TNKS: variants seen among roughly 807,000 people sequenced by gnomAD.
TNKS encodes the protein poly [ADP-ribose] polymerase tankyrase-1.
In TNKS, 72 loss-of-function variants were observed where a neutral mutation model predicts 135.8. The ratio of observed to expected loss-of-function variants is 0.53; its 90% confidence interval spans 0.44 to 0.64. The LOEUF (loss-of-function observed/expected upper bound fraction) is 0.64. Ranked by LOEUF, TNKS falls within the 30% of genes least tolerant of loss-of-function variation. The pLI, the probability that TNKS is intolerant of heterozygous loss-of-function variation, is 0.00. For missense variants in TNKS, 1,769 were observed against 1,674.0 expected (o/e 1.06, Z -0.99); for synonymous variants, 849 against 649.3 (o/e 1.31, Z -4.68).
chr8:9,745,443 C>T (rs1193401161), intron 17 of TNKS, among the ~76,000 whole-genome samples: 1 of 152,040 alleles, frequency 6.6e-6, no homozygotes, highest in African/African-American at 2.4e-5. Context: ...TCTCACTCTT[C>T]ACCCAGGCTG....
Position 9,746,881 on chromosome 8 carries a change from C to CTTTTTTTTTTTTTTTTT in TNKS, c.2644-1140_2644-1124dup, listed in dbSNP as rs10672387. Among the ~76,000 whole-genome samples the CTTTTTTTTTTTTTTTTT allele has an allele frequency of 8.1e-4, 95 of 117,180 alleles. 5 individuals are homozygous for CTTTTTTTTTTTTTTTTT. Among genetic ancestry groups the CTTTTTTTTTTTTTTTTT allele is most frequent in the African/African-American group, 3.4e-3 (93 of 27,530 alleles). 76.9% of individuals were successfully genotyped at this position (117,180 alleles called of 152,430 possible). ...TCTGAGAGTTTCATACCTACTTAAA[C>CTTTTTTTTTTTTTTTTT]TTTTTTTTTTTTTTTTTTTGAGACG... On this transcript the variant is annotated intron_variant, in intron 17 of 26. Transcript: ENST00000310430.
intron 1 of TNKS, 91 bp from the exon 2 acceptor site, chr8:9,580,068 G>T: frequency 3.7e-6 from 4 of 1,076,424 alleles, no homozygotes; most frequent in Non-Finnish European, 4.2e-6. Flanking sequence ...TACTTCAGTT[G>T]TTCATACTTG....
chr8:9,566,657 G>A (rs1268745673), intron 1 of TNKS: 2 of 142,204 alleles, frequency 1.4e-5, no homozygotes, highest in East Asian at 2.1e-4. Context: ...GCCGGACTGC[G>A]GACTGCAGTG....
At chr8:9,713,808 C>T (rs1364733393) in intron 11 of TNKS, among the ~76,000 whole-genome samples, 3 of 152,190 alleles carry the variant, frequency 2.0e-5, no homozygotes, top group Non-Finnish European at 4.4e-5. Flanking sequence ...AAAAAACTCC[C>T]TGTAAGAAAC....
At chr8:9,749,282 C>G (rs532166638) in intron 18 of TNKS, among the ~76,000 whole-genome samples, 132 of 152,200 alleles carry the variant, frequency 8.7e-4, no homozygotes, top group African/African-American at 3.1e-3. Flanking sequence ...ACTCACCTGC[C>G]ACGTGCTCCC....
chr8:9,731,776 A>C, intron 14 of TNKS, among the ~76,000 whole-genome samples: 1 of 152,148 alleles, frequency 6.6e-6, no homozygotes, highest in South Asian at 2.1e-4. Context: ...ATTTTATTAC[A>C]TTATATGAAT....
chr8:9,710,249 G>A, intron 11 of TNKS, 29 bp downstream of exon 11: 1 of 1,606,934 alleles, frequency 6.2e-7, no homozygotes, highest in Middle Eastern at 1.7e-4. Flanking sequence ...CAGAGTGCCA[G>A]ACTCAGCACT....
rs777676126 is a variant in TNKS at position 9,751,616 on chromosome 8, A to G, written c.2840A>G (p.Asp947Gly). 2.5e-6 allele frequency: 4 copies of G among 1,612,592 alleles called. No homozygotes were observed. Among genetic ancestry groups the G allele is most frequent in the South Asian group, 2.2e-5 (2 of 90,688 alleles). The change falls in exon 19 of 27, where the codon GAT (aspartate) becomes GGT (glycine). Residue 947 changes from aspartate (D) to glycine (G), a missense_variant. Physicochemically the swap from Asp to Gly is moderately conservative, Grantham distance 94. Around this residue, in one of 5 missense-constraint regions of TNKS, gnomAD observed 722 missense variants for 688.9 expected, o/e 1.05. Coordinates refer to ENST00000310430, the MANE Select transcript of TNKS (RefSeq NM_003747.3). The part of the protein sequence containing the change: ...QTPLDLATAD[D>G]IRALLIDAMP... ...TTTTAATCATTTTTTTAGGCTGACG[A>G]TATCAGAGCTTTGCTGATAGATGCC... is the stretch of plus-strand genomic sequence containing the variant.
At chr8:9,598,932 A>T (rs1798913316) in intron 2 of TNKS, among the ~76,000 whole-genome samples, 2 of 151,028 alleles carry the variant, frequency 1.3e-5, no homozygotes, top group Non-Finnish European at 3.0e-5. Context: ...AAAGATTCAC[A>T]AACACTGATG....
intron 5 of TNKS, among the ~76,000 whole-genome samples, chr8:9,681,347 A>G (rs1004846926): frequency 2.0e-5 from 3 of 152,168 alleles, no homozygotes; most frequent in African/African-American, 7.2e-5. Context: ...AGAGAGGAAT[A>G]TTCTATATTA....
chr8:9,672,223 T>A (rs980310813), intron 3 of TNKS, among the ~76,000 whole-genome samples: 15 of 152,188 alleles, frequency 9.9e-5, no homozygotes, highest in Non-Finnish European at 5.9e-5. Context: ...ATAAGGGGTA[T>A]GTATTATTGG....
intron 20 of TNKS, 131 bp from the exon 21 acceptor site, chr8:9,761,385 C>CATGTT: frequency 1.1e-6 from 1 of 911,930 alleles, no homozygotes; most frequent in Non-Finnish European, 1.6e-6. Flanking sequence ...ATTGTAAGCT[C>CATGTT]ATGTTTATAA....
chr8:9,634,959 C>G (rs1233159393), intron 3 of TNKS, among the ~76,000 whole-genome samples: 1 of 151,824 alleles, frequency 6.6e-6, no homozygotes. Context: ...TGGTGGATCA[C>G]GAGGTCAGGA....
chr8:9,640,581 T>C (rs1800689543), intron 3 of TNKS, among the ~76,000 whole-genome samples: 1 of 146,202 alleles, frequency 6.8e-6, no homozygotes, highest in Admixed American at 7.2e-5. Flanking sequence ...CCTTAAGTTA[T>C]ATGCACGGTA....
chr8:9,676,712 T>TGTG (rs1802558181), intron 3 of TNKS, among the ~76,000 whole-genome samples: 2 of 68,444 alleles, frequency 2.9e-5, no homozygotes, highest in South Asian at 4.5e-4. Flanking sequence ...GTGTGTGTGT[T>TGTG]TGTGTGTGTG....
Position 9,706,072 on chromosome 8 carries a change from T to C in TNKS, c.1203-115T>C, listed in dbSNP as rs372093389. Reference sequence around the variant, plus strand: ...ATTCTTTTATTATTTTATTAAATACTTTTAAATATTTTAAAATAATTGTAT... The same window carrying C: ...ATTCTTTTATTATTTTATTAAATACCTTTAAATATTTTAAAATAATTGTAT... On this transcript the variant is annotated intron_variant, in intron 6 of 26. Coordinates refer to ENST00000310430, the MANE Select transcript of TNKS (RefSeq NM_003747.3). 19 of 584,974 alleles carry C rather than the reference T, an allele frequency of 3.2e-5. 1 individual carries two copies. The highest frequency in any genetic ancestry group is 2.4e-4 in the African/African-American group (12 of 50,618). The allele number at this position is 584,974 out of a possible 1,614,324, so 36.2% of individuals were successfully genotyped here. A position where few individuals can be genotyped will look rare whatever the true frequency, so the allele number is the denominator to read the frequency against.
intron 2 of TNKS, among the ~76,000 whole-genome samples, chr8:9,589,569 A>C (rs1243429638): frequency 6.6e-6 from 1 of 152,184 alleles, no homozygotes; most frequent in African/African-American, 2.4e-5. Context: ...GATGCAAAGA[A>C]TCTGATGCCC....
chr8:9,697,582 A>G (rs4841196), intron 5 of TNKS, among the ~76,000 whole-genome samples: 96,155 of 152,010 alleles, frequency 0.63, 30,797 homozygotes, highest in Middle Eastern at 0.72. Context: ...TCTATAAGGA[A>G]CTTAATTCAA....
In TNKS at chr8:9,707,011, TC is replaced by T. The variant is rs1328910003; in HGVS notation, c.1456+17del. On this transcript the variant is annotated intron_variant, in intron 8 of 26. Coordinates refer to ENST00000310430, the MANE Select transcript of TNKS (RefSeq NM_003747.3). ...AGAGATTGACTTGTACGTATTTATA[TC>T]CCGAAATCATTATCGCATAAATTGG... The T allele has an allele frequency of 6.5e-7, 1 of 1,547,224 alleles. No individual in the cohort carries two copies. Among genetic ancestry groups the T allele is most frequent in the East Asian group, 2.3e-5 (1 of 43,042 alleles).
Sources: allele counts gnomAD v4.1 joint callset (sites outside exome capture counted in the v4.1 genomes callset), GRCh38; gene constraint gnomAD v4.1.1; regional missense constraint gnomAD v4.1.1; transcripts MANE v1.5; gene names NCBI Gene and HGNC (gene_info 2026-07-23, HGNC 2026-07-21).